SCAI: variants seen among roughly 807,000 people sequenced by gnomAD.
The protein encoded by SCAI is suppressor of cancer cell invasion, also known as protein SCAI.
In SCAI, 24 loss-of-function variants were observed where a neutral mutation model predicts 92.2. That is an observed-to-expected ratio of 0.26 (90% confidence interval 0.19 to 0.37). The LOEUF (loss-of-function observed/expected upper bound fraction) is 0.37. Among genes scored for constraint, SCAI ranks in the 10% least tolerant of loss-of-function variants. SCAI has a pLI of 1.00. For missense variants in SCAI, 450 were observed against 736.2 expected (o/e 0.61, Z 4.50); for synonymous variants, 261 against 258.6 (o/e 1.01, Z -0.09).
chr9:125,059,533 C>T (rs1833733560), intron 2 of SCAI, among the ~76,000 whole-genome samples: 2 of 152,168 alleles, frequency 1.3e-5, no homozygotes, highest in Admixed American at 1.3e-4. Context: ...AAACCTAATG[C>T]AGCAAAATGA....
intron 2 of SCAI, among the ~76,000 whole-genome samples, chr9:125,106,122 A>AAAATATAT (rs1554791724): frequency 1.1e-4 from 1 of 8,864 alleles, no homozygotes; most frequent in African/African-American, 2.3e-4. Flanking sequence ...AAAAAAAAAA[A>AAAATATAT]ATATATATAT....
At chr9:124,979,015 T>C (rs907544516) in intron 14 of SCAI, among the ~76,000 whole-genome samples, 8 of 151,798 alleles carry the variant, frequency 5.3e-5, no homozygotes, top group Non-Finnish European at 8.8e-5. Flanking sequence ...GGAATGCCAC[T>C]GTGCCTGGCT....
At chr9:125,126,718 C>A (rs372514033) in intron 2 of SCAI, among the ~76,000 whole-genome samples, 1 of 152,192 alleles carries the variant, frequency 6.6e-6, no homozygotes, top group South Asian at 2.1e-4. Context: ...CCAGCCCACA[C>A]TCAAGGGAGG....
intron 2 of SCAI, among the ~76,000 whole-genome samples, chr9:125,106,744 T>C (rs1834809614): frequency 9.6e-6 from 1 of 104,322 alleles, no homozygotes; most frequent in African/African-American, 3.8e-5. Context: ...TTTTTTTTTT[T>C]GAGACAGGGT....
chr9:125,004,544 G>T (rs1288236314), intron 9 of SCAI, among the ~76,000 whole-genome samples: 1 of 150,376 alleles, frequency 6.6e-6, no homozygotes, highest in African/African-American at 2.4e-5. Flanking sequence ...GGCCAGGCTG[G>T]TCTCAAACTC....
chr9:125,108,754 G>A (rs866813469), intron 2 of SCAI, among the ~76,000 whole-genome samples: 19 of 148,992 alleles, frequency 1.3e-4, no homozygotes, highest in Middle Eastern at 3.8e-3. Flanking sequence ...GTCTCCGCCC[G>A]GCAGCCGCCC....
intron 9 of SCAI, among the ~76,000 whole-genome samples, chr9:125,004,756 TATATATATATATATA>T (rs1365891508): frequency 4.6e-3 from 43 of 9,352 alleles, no homozygotes; most frequent in Non-Finnish European, 0.011. Context: ...TATATATATA[TATATATATATATATA>T]TATATATATT....
Position 124,952,861 on chromosome 9 carries a change from T to C in SCAI, c.1767A>G (p.Ala589=). 1 of 1,613,406 alleles carries C rather than the reference T, an allele frequency of 6.2e-7. No individual in the cohort carries two copies. Among genetic ancestry groups the C allele is most frequent in the Non-Finnish European group, 8.5e-7 (1 of 1,179,360 alleles). Residue 589 remains alanine (A), a synonymous_variant, in exon 18 of 18, where the codon GCA becomes GCG. Transcript: ENST00000336505. ...ACACGTTTCGAACATCCAGAATGGA[T>C]GCTAATTCCAAAATGTGCTTCTGGA... ...PHLQKHILEL[A]SILDVRNVFF...
At chr9:125,035,369 T>A (rs360209) in intron 3 of SCAI, among the ~76,000 whole-genome samples, 74,053 of 151,226 alleles carry the variant, frequency 0.49, 18,462 homozygotes, top group Admixed American at 0.56. Flanking sequence ...AAAGAAAAAA[T>A]GAAAGAAACA....
rs778125492 is a variant in SCAI at position 125,019,168 on chromosome 9, A to T, written c.647T>A (p.Phe216Tyr). 5.6e-6 allele frequency: 9 copies of T among 1,600,972 alleles called. No individual in the cohort carries two copies. Among genetic ancestry groups the T allele is most frequent in the South Asian group, 4.5e-5 (4 of 88,976 alleles). ...SDEIEDYTHR[F>Y]NTEDQVEWNL... is the part of the protein sequence containing the mutation. ...CCATTCCACTTGATCTTCAGTATTA[A>T]ATCGGTGAGTATAATCTTCAATTTC... Residue 216 changes from phenylalanine (F) to tyrosine (Y), a missense_variant, in exon 8 of 18, where the codon TTT becomes TAT. By Grantham distance (22) the Phe-to-Tyr change is conservative. Around this residue, in one of 3 missense-constraint regions of SCAI, gnomAD observed 360 missense variants for 601.8 expected, o/e 0.60. Transcript: ENST00000336505.
intron 2 of SCAI, among the ~76,000 whole-genome samples, chr9:125,105,436 C>T (rs1450174713): frequency 1.3e-5 from 2 of 152,376 alleles, no homozygotes; most frequent in African/African-American, 4.8e-5. Flanking sequence ...TTACCTATCG[C>T]TTCTTGGCCT....
At chr9:125,034,904 TATATGTC>T (rs1490552640) in intron 3 of SCAI, among the ~76,000 whole-genome samples, 1 of 152,240 alleles carries the variant, frequency 6.6e-6, no homozygotes, top group Non-Finnish European at 1.5e-5. Flanking sequence ...TTTACATAGT[TATATGTC>T]AAAATGTTGT....
At chr9:124,990,928 G>A (rs1395115194) in intron 14 of SCAI, among the ~76,000 whole-genome samples, 1 of 152,172 alleles carries the variant, frequency 6.6e-6, no homozygotes, top group Non-Finnish European at 1.5e-5. Flanking sequence ...CACCCCAGGT[G>A]AAGTGATCAG....
chr9:125,048,337 G>C (rs977386448), intron 3 of SCAI, among the ~76,000 whole-genome samples: 12 of 152,150 alleles, frequency 7.9e-5, no homozygotes, highest in Admixed American at 7.9e-4. Flanking sequence ...TCTGGTGGCA[G>C]TCTACCTCAA....
chr9:125,137,547 C>T (rs766362870), intron 2 of SCAI, among the ~76,000 whole-genome samples: 3 of 152,172 alleles, frequency 2.0e-5, no homozygotes, highest in South Asian at 4.1e-4. Flanking sequence ...GCTTTGGCCC[C>T]GTGGAGACTG....
intron 2 of SCAI, among the ~76,000 whole-genome samples, chr9:125,104,015 C>T (rs1347944435): frequency 6.6e-6 from 1 of 152,122 alleles, no homozygotes; most frequent in Non-Finnish European, 1.5e-5. Context: ...AGGAAAGAAG[C>T]ATATCTAATT....
chr9:125,071,119 A>G (rs1381561215), intron 2 of SCAI, among the ~76,000 whole-genome samples: 7 of 152,274 alleles, frequency 4.6e-5, no homozygotes, highest in African/African-American at 1.7e-4. Flanking sequence ...TCCTAGCTAC[A>G]TGGAGGTGTG....
chr9:125,114,457 G>A (rs889219993), intron 2 of SCAI, among the ~76,000 whole-genome samples: 1 of 151,898 alleles, frequency 6.6e-6, no homozygotes, highest in Non-Finnish European at 1.5e-5. Context: ...ACCAAGTGCT[G>A]GCAAGGAAAG....
intron 9 of SCAI, among the ~76,000 whole-genome samples, chr9:125,015,925 C>T (rs1832747362): frequency 6.7e-6 from 1 of 149,418 alleles, no homozygotes; most frequent in Non-Finnish European, 1.5e-5. Flanking sequence ...TAAACTATCG[C>T]AAGAACAAAA....
Sources: gnomAD v4.1 joint callset for allele counts (sites outside exome capture counted in the v4.1 genomes callset) on GRCh38, gnomAD v4.1.1 for gene constraint, gnomAD v4.1.1 regional missense constraint, MANE v1.5 for transcripts, NCBI Gene and HGNC (gene_info 2026-07-23, HGNC 2026-07-21) for gene names.